NBAS: variants seen among roughly 807,000 people sequenced by gnomAD.
NBAS encodes NAG/BC035112 fusion.
Under a neutral mutation model 302.5 loss-of-function variants are expected in NBAS, and 219 were observed. The observed-to-expected ratio is 0.72, with a 90% CI of 0.65 to 0.81. NBAS has a LOEUF of 0.81. Among genes scored for constraint, NBAS ranks in the 30% least tolerant of loss-of-function variants. The pLI, the probability that NBAS is intolerant of heterozygous loss-of-function variation, is 0.00. For missense variants in NBAS, 2,932 were observed against 2,841.6 expected, an observed-to-expected ratio of 1.03 and a Z score of -0.72; for synonymous variants, 1,118 against 1,021.6, an observed-to-expected ratio of 1.09 and a Z score of -1.80.
chr2:15,048,691 T>C, the NBAS span, among the ~76,000 whole-genome samples: 1 of 152,204 alleles, frequency 6.6e-6, no homozygotes, highest in African/African-American at 2.4e-5. Context: ...AGACAGCTAC[T>C]TCCTTCTTGC....
At chr2:15,554,159 T>C (rs1276905080) in intron 3 of NBAS, 21 bp from the exon 4 acceptor site, 35 of 1,602,252 alleles carry the variant, frequency 2.2e-5, no homozygotes, top group Non-Finnish European at 2.8e-5. Context: ...AACACATTAG[T>C]TAGCTTAAAA....
At position 15,179,073 on chromosome 2, in the gene NBAS, AGGAG is replaced by A. The variant is rs1558413043; in HGVS notation, c.6751_6754del (p.Leu2251CysfsTer5). 1.9e-6 allele frequency: 3 copies of A among 1,614,182 alleles called. No individual in the cohort carries two copies. The highest frequency in any genetic ancestry group is 4.5e-5 in the East Asian group (2 of 44,886). ...GAGGAGAAGTTTCAGAGATGGAAGC[AGGAG>A]GGACTGGTTAAGCAGCAGCAGACAC... On this transcript the variant is annotated frameshift_variant, in exon 51 of 52. Transcript: ENST00000281513. LOFTEE classifies it high-confidence loss of function.
chr2:14,992,913 G>A, the NBAS span, among the ~76,000 whole-genome samples: 3 of 152,184 alleles, frequency 2.0e-5, no homozygotes, highest in Non-Finnish European at 4.4e-5. Context: ...TTCTAGACAA[G>A]CTTCAACCTG....
chr2:15,461,871 C>T, intron 19 of NBAS, 80 bp from the exon 20 acceptor site: 1 of 786,968 alleles, frequency 1.3e-6, no homozygotes, highest in South Asian at 1.5e-5. Flanking sequence ...AAAACCTTTA[C>T]AACTCTGCCT....
the NBAS span, among the ~76,000 whole-genome samples, chr2:15,073,488 A>T: frequency 1.2e-3 from 170 of 143,892 alleles, 1 homozygote; most frequent in East Asian, 6.1e-3. Flanking sequence ...AAAAAAAAAA[A>T]AAATAAAAAA....
intron 34 of NBAS, among the ~76,000 whole-genome samples, chr2:15,352,762 C>T (rs1194987510): frequency 6.6e-6 from 1 of 152,136 alleles, no homozygotes; most frequent in Non-Finnish European, 1.5e-5. Context: ...CACCATTTTG[C>T]CTCTTAGTGA....
chr2:15,220,294 A>G lies in NBAS; in HGVS notation c.6237-1326T>C, dbSNP rs545357666. On this transcript the variant is annotated intron_variant, in intron 47 of 51. Coordinates refer to ENST00000281513, the MANE Select transcript of NBAS (RefSeq NM_015909.4). ...CTCACCTCCCGGACGGGGCGGCTAT[A>G]TATCTGATTACTTGCTGACAATAAT... Among the ~76,000 whole-genome samples the G allele has an allele frequency of 2.6e-5, 4 of 151,998 alleles. No individual in the cohort carries two copies. In the South Asian group the frequency reaches 8.3e-4, roughly 32 times the overall value.
chr2:15,540,228 A>G (rs1427927999), intron 6 of NBAS, among the ~76,000 whole-genome samples: 1 of 152,118 alleles, frequency 6.6e-6, no homozygotes, highest in Non-Finnish European at 1.5e-5. Context: ...TGTCACCTTG[A>G]GTCAAGAGTA....
intron 39 of NBAS, 69 bp from the exon 40 acceptor site, chr2:15,308,422 T>C: frequency 6.4e-7 from 1 of 1,556,524 alleles, no homozygotes. Context: ...AACCATTATA[T>C]TTCTAGTCAT....
intron 31 of NBAS, among the ~76,000 whole-genome samples, chr2:15,372,835 T>C (rs1464468716): frequency 6.6e-6 from 1 of 152,180 alleles, no homozygotes; most frequent in Non-Finnish European, 1.5e-5. Flanking sequence ...ATCCTGCTAA[T>C]TGATCAGCAC....
In NBAS at chr2:15,239,396, T is replaced by TGC. The variant is rs1179791195; in HGVS notation, c.5725-711_5725-710insGC. The stretch of plus-strand genomic sequence containing the variant: ...GTGTGTGTGTATGTGTGCGTGTGTG[T>TGC]GTGTGTATATATATATATATATATG... On this transcript the variant is annotated intron_variant, in intron 44 of 51. Coordinates refer to ENST00000281513, the MANE Select transcript of NBAS (RefSeq NM_015909.4). 1.8e-4 allele frequency among the ~76,000 whole-genome samples: 15 copies of TGC among 85,334 alleles called. No individual in the cohort carries two copies. In the Admixed American group the frequency reaches 1.9e-3, roughly 11 times the overall value. 56.0% of individuals were successfully genotyped at this position (85,334 alleles called of 152,430 possible). A position where few individuals can be genotyped will look rare whatever the true frequency, so the allele number is the denominator to read the frequency against.
chr2:15,200,327 T>A (rs1401578379), intron 48 of NBAS, among the ~76,000 whole-genome samples: 1 of 152,196 alleles, frequency 6.6e-6, no homozygotes, highest in Non-Finnish European at 1.5e-5. Flanking sequence ...CTTTTTAAAA[T>A]CTCATTTACT....
chr2:15,291,711 G>A (rs1006871773), intron 41 of NBAS, among the ~76,000 whole-genome samples: 1 of 152,158 alleles, frequency 6.6e-6, no homozygotes. Flanking sequence ...GACAGATAAA[G>A]TCACCCTGAA....
chr2:15,470,108 C>A (rs931425510), intron 16 of NBAS, among the ~76,000 whole-genome samples: 2 of 151,946 alleles, frequency 1.3e-5, no homozygotes, highest in Admixed American at 1.3e-4. Context: ...TTATATATTG[C>A]CTCACATCAG....
chr2:15,326,178 T>C (rs1672055346), intron 38 of NBAS, among the ~76,000 whole-genome samples: 2 of 152,186 alleles, frequency 1.3e-5, no homozygotes, highest in African/African-American at 2.4e-5. Context: ...TTTGAAATAC[T>C]GTGAGAATTA....
chr2:15,477,316 C>T (rs1040925655), intron 13 of NBAS, among the ~76,000 whole-genome samples: 8 of 151,948 alleles, frequency 5.3e-5, no homozygotes, highest in Non-Finnish European at 7.4e-5. Flanking sequence ...GGCTGGAGTG[C>T]AGTCCCGCGA....
At chr2:15,478,573 A>T (rs1680291841) in intron 12 of NBAS, among the ~76,000 whole-genome samples, 1 of 152,212 alleles carries the variant, frequency 6.6e-6, no homozygotes, top group South Asian at 2.1e-4. Context: ...AGCAAAATAC[A>T]CTAAGAATTC....
intron 28 of NBAS, chr2:15,393,566 T>C (rs1460049397): frequency 2.5e-6 from 1 of 400,608 alleles, no homozygotes; most frequent in East Asian, 7.2e-5. Flanking sequence ...ACTATTCACT[T>C]ACCAAATGAT....
At chr2:15,162,241 C>T (rs753272338), downstream of NBAS, among the ~76,000 whole-genome samples, 5 of 152,202 alleles carry the variant, frequency 3.3e-5, no homozygotes, top group African/African-American at 7.2e-5. Context: ...TCCCATCTGC[C>T]GGCCTAAGAT....
Sources: gnomAD v4.1 joint callset for allele counts (sites outside exome capture counted in the v4.1 genomes callset) on GRCh38, gnomAD v4.1.1 for gene constraint, MANE v1.5 for transcripts, NCBI Gene and HGNC (gene_info 2026-07-23, HGNC 2026-07-21) for gene names.